Variants in CAMK1D observed in about 807,000 individuals in gnomAD.
CAMK1D encodes calcium/calmodulin-dependent protein kinase type 1D.
In CAMK1D, 9 loss-of-function variants were observed where a neutral mutation model predicts 47.7. That is an observed-to-expected ratio of 0.19 (90% confidence interval 0.11 to 0.33). The LOEUF (loss-of-function observed/expected upper bound fraction) is 0.33. CAMK1D is among the 10% of genes least tolerant of loss of function. The probability of loss-of-function intolerance (pLI) is 1.00; values close to 1 mark genes in which losing one functional copy is unlikely to be tolerated. For missense variants in CAMK1D, 291 were observed against 488.7 expected, an observed-to-expected ratio of 0.60 and a Z score of 3.81; for synonymous variants, 184 against 184.9, an observed-to-expected ratio of 0.99 and a Z score of 0.04.
intron 3 of CAMK1D, among the ~76,000 whole-genome samples, chr10:12,732,926 GT>G (rs1179672433): frequency 5.3e-5 from 8 of 152,144 alleles, no homozygotes; most frequent in Admixed American, 5.2e-4. Context: ...CTCCTTCTCA[GT>G]TTCCTCATCT....
chr10:12,547,701 C>CACA (rs1554786385), intron 1 of CAMK1D, among the ~76,000 whole-genome samples: 1 of 143,858 alleles, frequency 7.0e-6, no homozygotes, highest in Non-Finnish European at 1.5e-5. Flanking sequence ...CACACACACA[C>CACA]CACTGTGTTA....
At chr10:12,447,347 A>G (rs927409079) in intron 1 of CAMK1D, among the ~76,000 whole-genome samples, 8 of 152,162 alleles carry the variant, frequency 5.3e-5, no homozygotes, top group Non-Finnish European at 1.0e-4. Flanking sequence ...ATATATCATG[A>G]TGAGAGGCCT....
At chr10:12,596,240 T>G (rs1838144031) in intron 2 of CAMK1D, among the ~76,000 whole-genome samples, 1 of 152,078 alleles carries the variant, frequency 6.6e-6, no homozygotes, top group South Asian at 2.1e-4. Flanking sequence ...AAAGGATTCA[T>G]GAGTTGGGCA....
intron 1 of CAMK1D, among the ~76,000 whole-genome samples, chr10:12,368,043 T>C (rs1224401222): frequency 6.6e-6 from 1 of 151,926 alleles, no homozygotes. Context: ...ATACAAAAAA[T>C]TAGCCGGGCG....
rs547279746 is a variant in CAMK1D at position 12,615,877 on chromosome 10, A to T, written c.225-50859A>T. On this transcript the variant is annotated intron_variant, in intron 2 of 10. Coordinates refer to ENST00000619168, the MANE Select transcript of CAMK1D (RefSeq NM_153498.4). The stretch of plus-strand genomic sequence containing the variant: ...AGGTGTGTATGCATGTATGTGTATA[A>T]GTGTATGCATAAGTGAGAGCATGTG... Among the ~76,000 whole-genome samples, 303 of 145,040 alleles carry T rather than the reference A, an allele frequency of 2.1e-3. 2 individuals carry two copies. The highest frequency in any genetic ancestry group is 7.2e-3 in the African/African-American group (287 of 39,602).
At chr10:12,725,543 C>A (rs1326302673) in intron 3 of CAMK1D, among the ~76,000 whole-genome samples, 1 of 152,130 alleles carries the variant, frequency 6.6e-6, no homozygotes, top group Non-Finnish European at 1.5e-5. Context: ...AGTAATCTGA[C>A]AAAGTTTAAC....
chr10:12,361,624 C>T (rs1837667778), intron 1 of CAMK1D, among the ~76,000 whole-genome samples: 1 of 139,962 alleles, frequency 7.1e-6, no homozygotes, highest in African/African-American at 2.7e-5. Flanking sequence ...GGCGTAATCT[C>T]TGCTCACGGA....
At chr10:12,435,093 G>A (rs1404799590) in intron 1 of CAMK1D, among the ~76,000 whole-genome samples, 4 of 151,678 alleles carry the variant, frequency 2.6e-5, no homozygotes. Flanking sequence ...TGGTGGTGTG[G>A]GTGCCTGTAA....
At chr10:12,414,215 G>C (rs1564324776) in intron 1 of CAMK1D, among the ~76,000 whole-genome samples, 1 of 152,182 alleles carries the variant, frequency 6.6e-6, no homozygotes, top group Non-Finnish European at 1.5e-5. Flanking sequence ...GGCGAAATAG[G>C]AGGCATGCGT....
chr10:12,409,586 A>G (rs1371314606), intron 1 of CAMK1D, among the ~76,000 whole-genome samples: 1 of 152,252 alleles, frequency 6.6e-6, no homozygotes. Context: ...ACCTGGCTGA[A>G]AAATTTTCTT....
intron 1 of CAMK1D, among the ~76,000 whole-genome samples, chr10:12,448,954 C>G (rs1833001415): frequency 6.6e-6 from 1 of 152,100 alleles, no homozygotes; most frequent in South Asian, 2.1e-4. Context: ...AGATAATAAT[C>G]TCATCGGATG....
At chr10:12,402,720 G>A (rs979291379) in intron 1 of CAMK1D, among the ~76,000 whole-genome samples, 4 of 152,144 alleles carry the variant, frequency 2.6e-5, no homozygotes, top group Admixed American at 6.6e-5. Flanking sequence ...GGTTGGAGGG[G>A]CAGGATAGAC....
At chr10:12,656,027 T>C (rs1048369331) in intron 2 of CAMK1D, among the ~76,000 whole-genome samples, 1 of 152,172 alleles carries the variant, frequency 6.6e-6, no homozygotes, top group Non-Finnish European at 1.5e-5. Flanking sequence ...GATTCATTGA[T>C]TGTTAGAGTT....
At chr10:12,453,717 T>A (rs898510175) in intron 1 of CAMK1D, among the ~76,000 whole-genome samples, 1 of 152,214 alleles carries the variant, frequency 6.6e-6, no homozygotes, top group Admixed American at 6.5e-5. Context: ...CACTTCTGAC[T>A]TACATGGACT....
intron 3 of CAMK1D, among the ~76,000 whole-genome samples, chr10:12,717,426 T>C (rs188767928): frequency 1.2e-4 from 19 of 152,110 alleles, no homozygotes; most frequent in Admixed American, 1.2e-3. Flanking sequence ...GGAAGAAAAA[T>C]AGGCGAAGTT....
At chr10:12,709,943 G>T (rs1213163619) in intron 3 of CAMK1D, among the ~76,000 whole-genome samples, 1 of 152,132 alleles carries the variant, frequency 6.6e-6, no homozygotes, top group Non-Finnish European at 1.5e-5. Flanking sequence ...GCAGTTTCTT[G>T]TTTTTGTTTC....
At chr10:12,587,939 A>G (rs1182207988) in intron 2 of CAMK1D, among the ~76,000 whole-genome samples, 1 of 152,084 alleles carries the variant, frequency 6.6e-6, no homozygotes, top group Non-Finnish European at 1.5e-5. Flanking sequence ...GCTCTTTTAA[A>G]TAGTGCCTTT....
At chr10:12,536,003 C>G (rs1034812377) in intron 1 of CAMK1D, among the ~76,000 whole-genome samples, 1 of 152,154 alleles carries the variant, frequency 6.6e-6, no homozygotes, top group Non-Finnish European at 1.5e-5. Context: ...TAAACCTGGA[C>G]TTTGCATAGG....
chr10:12,486,982 G>T (rs1483572057), intron 1 of CAMK1D, among the ~76,000 whole-genome samples: 4 of 152,064 alleles, frequency 2.6e-5, no homozygotes, highest in Non-Finnish European at 5.9e-5. Flanking sequence ...ACAAAACTGG[G>T]CAAAAGGAGA....
Sources: allele counts gnomAD v4.1 joint callset (sites outside exome capture counted in the v4.1 genomes callset), GRCh38; gene constraint gnomAD v4.1.1; transcripts MANE v1.5; gene names NCBI Gene and HGNC (gene_info 2026-07-23, HGNC 2026-07-21).